ZBTB44: variants seen among roughly 807,000 people sequenced by gnomAD.
The protein encoded by ZBTB44 is zinc finger and BTB domain containing 44, also known as zinc finger and BTB domain-containing protein 44.
A neutral mutation model predicts 54.0 loss-of-function variants in ZBTB44; 15 were observed. The observed-to-expected ratio is 0.28, with a 90% confidence interval of 0.19 to 0.43. The LOEUF (loss-of-function observed/expected upper bound fraction) is 0.43, where lower values mean the gene tolerates loss of function less well. ZBTB44 is among the 20% of genes least tolerant of loss of function. ZBTB44 has a pLI of 1.00. For synonymous variants in ZBTB44, 230 were observed against 250.1 expected (o/e 0.92, Z 0.76); for missense variants, 487 against 707.1 (o/e 0.69, Z 3.53).
intron 1 of ZBTB44, among the ~76,000 whole-genome samples, chr11:130,299,548 G>A (rs1382163072): frequency 6.8e-6 from 1 of 146,780 alleles, no homozygotes; most frequent in Non-Finnish European, 1.5e-5. Context: ...GCGAGACTTC[G>A]TCTCGGGGAC....
At chr11:130,259,294 T>C (rs1232385080) in intron 2 of ZBTB44, among the ~76,000 whole-genome samples, 2 of 152,178 alleles carry the variant, frequency 1.3e-5, no homozygotes, top group African/African-American at 2.4e-5. Flanking sequence ...TTAAAAAGTC[T>C]GGAAACAACA....
intron 1 of ZBTB44, among the ~76,000 whole-genome samples, chr11:130,284,802 G>A (rs1375363070): frequency 6.6e-6 from 1 of 151,996 alleles, no homozygotes; most frequent in Non-Finnish European, 1.5e-5. Context: ...GGAGGTAGAG[G>A]TTGCAGTGAG....
intron 1 of ZBTB44, among the ~76,000 whole-genome samples, chr11:130,307,199 C>A (rs1942318253): frequency 6.6e-6 from 1 of 151,938 alleles, no homozygotes; most frequent in Non-Finnish European, 1.5e-5. Flanking sequence ...CCAAGGTGGG[C>A]AGATCACAAG....
At chr11:130,233,082 A>G (rs1247467715) in intron 7 of ZBTB44, 1 of 444,258 alleles carries the variant, frequency 2.3e-6, no homozygotes, top group African/African-American at 2.0e-5. Context: ...CAATGAAAAC[A>G]TCCCCAACAA....
intron 1 of ZBTB44, among the ~76,000 whole-genome samples, chr11:130,273,142 C>T (rs1485462037): frequency 6.6e-6 from 1 of 152,092 alleles, no homozygotes; most frequent in Non-Finnish European, 1.5e-5. Flanking sequence ...GAGAATACTG[C>T]TATCTTTACA....
intron 1 of ZBTB44, among the ~76,000 whole-genome samples, chr11:130,280,128 C>T (rs1940398509): frequency 6.6e-6 from 1 of 152,132 alleles, no homozygotes. Flanking sequence ...AAAGTACAGC[C>T]TTCATTTCAT....
intron 1 of ZBTB44, chr11:130,296,756 G>C (rs964992584): frequency 7.3e-6 from 6 of 825,440 alleles, no homozygotes; most frequent in African/African-American, 6.7e-5. Context: ...TGATTGAAAA[G>C]AACTACTTTC....
Position 130,239,847 on chromosome 11 carries a change from C to T in ZBTB44, c.1068G>A (p.Thr356=), listed in dbSNP as rs199833780. 67 of 1,612,526 alleles carry T rather than the reference C, an allele frequency of 4.2e-5. No homozygotes were observed. The highest frequency in any genetic ancestry group is 5.5e-5 in the Non-Finnish European group (65 of 1,179,030). Reference sequence around the variant, plus strand: ...CATCCGGAGGAGCATTAGTGCTAGACGTGCTTTGAAGTGTAGGCAAGCCCT... The same window carrying T: ...CATCCGGAGGAGCATTAGTGCTAGATGTGCTTTGAAGTGTAGGCAAGCCCT... ...VSEGLPTLQS[T]SSTNAPPDDD... Residue 356 remains threonine (T), a synonymous_variant, in exon 3 of 8, where the codon ACG becomes ACA. Coordinates refer to ENST00000357899, the MANE Select transcript of ZBTB44 (RefSeq NM_001301098.2).
intron 5 of ZBTB44, among the ~76,000 whole-genome samples, chr11:130,235,056 A>G (rs889568035): frequency 2.6e-5 from 4 of 152,218 alleles, no homozygotes; most frequent in South Asian, 4.1e-4. Context: ...AGTATGTGAA[A>G]TAAGTCTTAT....
intron 1 of ZBTB44, among the ~76,000 whole-genome samples, chr11:130,305,215 A>T (rs1485610867): frequency 6.6e-6 from 1 of 152,218 alleles, no homozygotes; most frequent in Non-Finnish European, 1.5e-5. Flanking sequence ...TGCAATTCAC[A>T]TCAAAATACC....
intron 2 of ZBTB44, among the ~76,000 whole-genome samples, chr11:130,241,164 C>A (rs1954346877): frequency 6.6e-6 from 1 of 152,130 alleles, no homozygotes; most frequent in South Asian, 2.1e-4. Context: ...CTGTGAATAT[C>A]CTTAATGCAC....
chr11:130,270,442 T>C (rs1189469617), intron 1 of ZBTB44, among the ~76,000 whole-genome samples: 1 of 152,230 alleles, frequency 6.6e-6, no homozygotes, highest in Non-Finnish European at 1.5e-5. Context: ...TTAGATATGC[T>C]ATCTCACATG....
intron 3 of ZBTB44, 40 bp downstream of exon 3, chr11:130,239,772 C>T: frequency 1.3e-6 from 2 of 1,535,620 alleles, no homozygotes; most frequent in South Asian, 2.3e-5. Flanking sequence ...GTTGTAAACA[C>T]AACCCTTAAG....
intron 7 of ZBTB44, chr11:130,232,818 A>C (rs1013816791): frequency 3.3e-5 from 5 of 152,802 alleles, no homozygotes; most frequent in African/African-American, 1.2e-4. Flanking sequence ...TGGGCACCAT[A>C]GTGAGACCTC....
At chr11:130,250,217 CCTCTTCATTGGGCAGGGCATCT>C (rs1937888045) in intron 2 of ZBTB44, among the ~76,000 whole-genome samples, 1 of 152,208 alleles carries the variant, frequency 6.6e-6, no homozygotes, top group African/African-American at 2.4e-5. Context: ...TCTTTAGATT[CCTCTTCATTGGGCAGGGCATCT>C]CTGAAAGAAA....
intron 1 of ZBTB44, among the ~76,000 whole-genome samples, chr11:130,294,384 C>T (rs1941499181): frequency 6.6e-6 from 1 of 151,578 alleles, no homozygotes; most frequent in African/African-American, 2.4e-5. Flanking sequence ...TGCCCTCCAG[C>T]CTGGGTGACA....
chr11:130,276,440 TTC>T (rs1940109529), intron 1 of ZBTB44, among the ~76,000 whole-genome samples: 3 of 151,120 alleles, frequency 2.0e-5, no homozygotes, highest in African/African-American at 7.4e-5. Context: ...TCTTTTTTTT[TTC>T]TTTTTTTTTT....
At chr11:130,301,513 A>G (rs1200702216) in intron 1 of ZBTB44, among the ~76,000 whole-genome samples, 1 of 152,006 alleles carries the variant, frequency 6.6e-6, no homozygotes, top group Non-Finnish European at 1.5e-5. Context: ...AAAATATAAT[A>G]ATCCGCTGCG....
chr11:130,248,315 G>T (rs941306625), intron 2 of ZBTB44, among the ~76,000 whole-genome samples: 1 of 152,188 alleles, frequency 6.6e-6, no homozygotes, highest in Non-Finnish European at 1.5e-5. Context: ...TGTTGAGAGT[G>T]ATTAGTACAT....
Sources: gnomAD v4.1 joint callset for allele counts (sites outside exome capture counted in the v4.1 genomes callset) on GRCh38, gnomAD v4.1.1 for gene constraint, MANE v1.5 for transcripts, NCBI Gene and HGNC (gene_info 2026-07-23, HGNC 2026-07-21) for gene names.